RIMS1: variants seen among roughly 807,000 people sequenced by gnomAD.
RIMS1 encodes the protein regulating synaptic membrane exocytosis protein 1.
A neutral mutation model predicts 214.1 loss-of-function variants in RIMS1; 83 were observed. That is an observed-to-expected ratio of 0.39 (90% confidence interval 0.32 to 0.47). The LOEUF (loss-of-function observed/expected upper bound fraction) is 0.47. Ranked by LOEUF, RIMS1 falls within the 20% of genes least tolerant of loss-of-function variation. The probability of loss-of-function intolerance (pLI) is 0.99; values close to 1 mark genes in which losing one functional copy is unlikely to be tolerated. For synonymous variants in RIMS1, 793 were observed against 786.8 expected (o/e 1.01, Z -0.13); for missense variants, 2,050 against 2,161.8 (o/e 0.95, Z 1.03).
At chr6:72,199,695 G>C (rs1260337809) in intron 6 of RIMS1, among the ~76,000 whole-genome samples, 1 of 152,040 alleles carries the variant, frequency 6.6e-6, no homozygotes, top group African/African-American at 2.4e-5. Context: ...AGAGGATTAA[G>C]TATGTTTAAA....
At chr6:72,141,540 T>C (rs563537136) in intron 4 of RIMS1, among the ~76,000 whole-genome samples, 4 of 151,972 alleles carry the variant, frequency 2.6e-5, no homozygotes, top group Non-Finnish European at 5.9e-5. Context: ...TGTTGAATGG[T>C]GTCCAGCATG....
rs1246447726 is a variant in RIMS1, at chr6:72,160,240, C to G, written c.472-19335C>G. 1.5e-4 allele frequency among the ~76,000 whole-genome samples: 4 copies of G among 26,366 alleles called. 1 individual carries two copies. Among genetic ancestry groups the G allele is most frequent in the Non-Finnish European group, 3.3e-4 (4 of 12,158 alleles). The allele number at this position is 26,366 out of a possible 152,430, so 17.3% of individuals were successfully genotyped here. A position where few individuals can be genotyped will look rare whatever the true frequency, so the allele number is the denominator to read the frequency against. On this transcript the variant is annotated intron_variant, in intron 4 of 33. Coordinates refer to ENST00000521978, the MANE Select transcript of RIMS1 (RefSeq NM_014989.7). ...TGATTTTTGCAAATTGATTTTGTAT[C>G]CTGAGACTGCTGAAGTTGCCTATCA... is the stretch of plus-strand genomic sequence containing the variant.
chr6:72,268,984 A>C (rs979868882), intron 22 of RIMS1, among the ~76,000 whole-genome samples: 1 of 152,186 alleles, frequency 6.6e-6, no homozygotes. Flanking sequence ...GTTTTCAAAC[A>C]AATTGTTACT....
At chr6:72,303,290 T>C (rs1185225389) in intron 26 of RIMS1, among the ~76,000 whole-genome samples, 1 of 150,772 alleles carries the variant, frequency 6.6e-6, no homozygotes, top group Non-Finnish European at 1.5e-5. Context: ...TCATAGGCCT[T>C]TTAATAATAT....
At chr6:71,968,543 G>A (rs1795042339) in intron 1 of RIMS1, among the ~76,000 whole-genome samples, 1 of 152,176 alleles carries the variant, frequency 6.6e-6, no homozygotes, top group Non-Finnish European at 1.5e-5. Context: ...AAAGACCTGT[G>A]TGGTGATTGA....
intron 29 of RIMS1, among the ~76,000 whole-genome samples, chr6:72,358,524 A>G (rs1192453459): frequency 6.6e-6 from 1 of 152,188 alleles, no homozygotes; most frequent in Non-Finnish European, 1.5e-5. Flanking sequence ...AAAATATTAC[A>G]CTTTCCAGAG....
intron 2 of RIMS1, among the ~76,000 whole-genome samples, chr6:72,019,697 T>C (rs1402556011): frequency 1.3e-5 from 2 of 152,184 alleles, no homozygotes; most frequent in East Asian, 3.8e-4. Flanking sequence ...TAAATATATT[T>C]TCCCTTTCCT....
intron 2 of RIMS1, among the ~76,000 whole-genome samples, chr6:71,975,594 A>G (rs897632730): frequency 2.0e-5 from 3 of 152,170 alleles, no homozygotes; most frequent in Admixed American, 2.0e-4. Context: ...TACAATGCAC[A>G]TACCATACAA....
At chr6:72,196,911 C>A (rs576164209) in intron 6 of RIMS1, among the ~76,000 whole-genome samples, 1 of 151,954 alleles carries the variant, frequency 6.6e-6, no homozygotes, top group Non-Finnish European at 1.5e-5. Flanking sequence ...TGAGAGGGAG[C>A]ACTTCAAGTT....
At chr6:72,074,348 A>C (rs928129392) in intron 2 of RIMS1, among the ~76,000 whole-genome samples, 3 of 152,198 alleles carry the variant, frequency 2.0e-5, no homozygotes, top group African/African-American at 7.2e-5. Context: ...GAAATACTAA[A>C]ATGTAGGTCT....
chr6:72,103,130 G>A (rs954488109), intron 4 of RIMS1, among the ~76,000 whole-genome samples: 5 of 152,060 alleles, frequency 3.3e-5, no homozygotes, highest in African/African-American at 1.2e-4. Flanking sequence ...AGTTTAGAAT[G>A]TATCAAGAGA....
At chr6:72,201,748 TA>T (rs1001722849) in intron 6 of RIMS1, among the ~76,000 whole-genome samples, 2 of 152,216 alleles carry the variant, frequency 1.3e-5, no homozygotes, top group African/African-American at 4.8e-5. Flanking sequence ...CCTAACAATC[TA>T]AATTTTAACA....
At chr6:72,093,601 T>A (rs1056481376) in intron 2 of RIMS1, among the ~76,000 whole-genome samples, 2 of 152,096 alleles carry the variant, frequency 1.3e-5, no homozygotes, top group Non-Finnish European at 2.9e-5. Flanking sequence ...AATGTGATGA[T>A]CTTTGTCTTT....
chr6:72,226,542 A>T (rs984825291), intron 6 of RIMS1, among the ~76,000 whole-genome samples: 5 of 152,104 alleles, frequency 3.3e-5, no homozygotes, highest in African/African-American at 4.8e-5. Context: ...TAATTTTTAA[A>T]GGAATATAAA....
At chr6:71,927,231 A>G (rs1781818984) in intron 1 of RIMS1, among the ~76,000 whole-genome samples, 1 of 152,180 alleles carries the variant, frequency 6.6e-6, no homozygotes, top group South Asian at 2.1e-4. Flanking sequence ...GCAACCTTCT[A>G]TTTTAGATTA....
At chr6:72,128,019 G>C (rs1214843155) in intron 4 of RIMS1, among the ~76,000 whole-genome samples, 1 of 152,118 alleles carries the variant, frequency 6.6e-6, no homozygotes, top group Non-Finnish European at 1.5e-5. Context: ...TGTATGTCAG[G>C]GAATTGGCTT....
intron 4 of RIMS1, among the ~76,000 whole-genome samples, chr6:72,108,080 A>G (rs2035151444): frequency 2.0e-5 from 3 of 152,044 alleles, no homozygotes; most frequent in Admixed American, 1.3e-4. Context: ...GTGCAGTGCC[A>G]TGATCAGGGC....
At chr6:72,192,402 G>A (rs2050214500) in intron 6 of RIMS1, among the ~76,000 whole-genome samples, 1 of 152,220 alleles carries the variant, frequency 6.6e-6, no homozygotes, top group African/African-American at 2.4e-5. Context: ...ATAGTGTAGT[G>A]GGGTCCTTTC....
At chr6:72,281,559 T>C (rs2090114296) in intron 23 of RIMS1, among the ~76,000 whole-genome samples, 1 of 151,792 alleles carries the variant, frequency 6.6e-6, no homozygotes, top group Non-Finnish European at 1.5e-5. Flanking sequence ...TGTGCAGAAG[T>C]TTTATTCAAG....
Sources: allele counts gnomAD v4.1 joint callset (sites outside exome capture counted in the v4.1 genomes callset), GRCh38; gene constraint gnomAD v4.1.1; transcripts MANE v1.5; gene names NCBI Gene and HGNC (gene_info 2026-07-23, HGNC 2026-07-21).